Variants in CFAP46 observed in about 807,000 individuals in gnomAD.
CFAP46 encodes the protein cilia- and flagella-associated protein 46.
In CFAP46, 245 loss-of-function variants were observed where a neutral mutation model predicts 325.7. That is an observed-to-expected ratio of 0.75 (90% CI 0.68 to 0.84). The LOEUF (loss-of-function observed/expected upper bound fraction) is 0.84. CFAP46 is among the 40% of genes least tolerant of loss of function. The pLI, the probability that CFAP46 is intolerant of heterozygous loss-of-function variation, is 0.00. For synonymous variants in CFAP46, 1,523 were observed against 1,495.9 expected (o/e 1.02, Z -0.42); for missense variants, 3,346 against 3,543.0 (o/e 0.94, Z 1.41).
intron 2 of CFAP46, 116 bp downstream of exon 2, chr10:132,941,864 G>A (rs1850108324): frequency 1.3e-6 from 2 of 1,509,268 alleles, no homozygotes; most frequent in Non-Finnish European, 1.8e-6. Flanking sequence ...CTGGCCCCTT[G>A]ACTGCCCGGC....
At chr10:132,915,202 T>C (rs1329213009) in intron 17 of CFAP46, among the ~76,000 whole-genome samples, 1 of 152,274 alleles carries the variant, frequency 6.6e-6, no homozygotes, top group African/African-American at 2.4e-5. Flanking sequence ...GCTTGAGCCC[T>C]AATTTTCAGA....
At chr10:132,890,152 C>T (rs1033295261) in intron 25 of CFAP46, among the ~76,000 whole-genome samples, 8 of 151,956 alleles carry the variant, frequency 5.3e-5, no homozygotes, top group East Asian at 3.9e-4. Flanking sequence ...GGCACAAAAC[C>T]CCCCTCCACA....
rs992864469 is a variant in CFAP46, at chr10:132,919,884, G to A, written c.1730+175C>T. 6.6e-5 allele frequency among the ~76,000 whole-genome samples: 10 copies of A among 152,086 alleles called. No homozygotes were observed. Among genetic ancestry groups the A allele is most frequent in the Admixed American group, 2.6e-4 (4 of 15,280 alleles). On this transcript the variant is annotated intron_variant, in intron 14 of 57. Transcript: ENST00000368586. The surrounding 1 kb of genome is among the most constrained non-coding windows in gnomAD (Gnocchi z 9.7). ...CTGTCATCACAGGCTGGGGGGTCCCGTCTGTGGCGGGACTCCCAGGCAGGG... is the reference window on the plus strand; with the variant it reads ...CTGTCATCACAGGCTGGGGGGTCCCATCTGTGGCGGGACTCCCAGGCAGGG...
intron 31 of CFAP46, among the ~76,000 whole-genome samples, chr10:132,874,870 G>A (rs1268485792): frequency 1.3e-5 from 2 of 152,176 alleles, no homozygotes; most frequent in Non-Finnish European, 2.9e-5. Flanking sequence ...CATAAAAATA[G>A]ATGTTATCAC....
chr10:132,883,994 T>C (rs1849084979), intron 27 of CFAP46, among the ~76,000 whole-genome samples: 1 of 152,196 alleles, frequency 6.6e-6, no homozygotes, highest in African/African-American at 2.4e-5. Flanking sequence ...TAAAAACATG[T>C]TGTACCTCTA....
chr10:132,937,233 T>G, intron 6 of CFAP46, 178 bp from the exon 7 acceptor site: 1 of 533,768 alleles, frequency 1.9e-6, no homozygotes, highest in Non-Finnish European at 3.2e-6. Flanking sequence ...TGGTACATAT[T>G]CTTGTAGTAA....
chr10:132,897,868 A>G (rs1179211415), intron 24 of CFAP46, among the ~76,000 whole-genome samples: 1 of 152,224 alleles, frequency 6.6e-6, no homozygotes, highest in Non-Finnish European at 1.5e-5. Flanking sequence ...TGGACAGCCC[A>G]GAGGCCCCGA....
At chr10:132,910,137 C>T (rs1849519433) in intron 19 of CFAP46, 69 bp from the exon 20 acceptor site, 4 of 1,301,808 alleles carry the variant, frequency 3.1e-6, no homozygotes, top group Admixed American at 7.7e-5. Context: ...AAGATCCGAA[C>T]CATTAAAAGA....
rs760598940 is a variant in CFAP46, at chr10:132,847,820, AC to A, written c.5953-500del. Among the ~76,000 whole-genome samples the A allele has an allele frequency of 1.3e-4, 20 of 152,188 alleles. No homozygotes were observed. The highest frequency in any genetic ancestry group is 2.8e-4 in the Non-Finnish European group (19 of 68,038). ...AGGGAGCCCCCTGGGTTTTCGGGACACAAGGTATCGCAGCACCAAATCTATA... is the reference window on the plus strand; with the variant it reads ...AGGGAGCCCCCTGGGTTTTCGGGACAAAGGTATCGCAGCACCAAATCTATA... On this transcript the variant is annotated intron_variant, in intron 41 of 57. Transcript: ENST00000368586. The surrounding 1 kb of genome is among the most constrained non-coding windows in gnomAD (Gnocchi z 5.2).
chr10:132,816,189 G>C (rs1847689536), intron 50 of CFAP46, among the ~76,000 whole-genome samples: 1 of 151,754 alleles, frequency 6.6e-6, no homozygotes, highest in African/African-American at 2.4e-5. Flanking sequence ...GTCGCTGCTG[G>C]TGCGTCGTTA....
In CFAP46 at chr10:132,869,394, G is replaced by A. The variant is rs1314623444; in HGVS notation, c.4512-22C>T. On this transcript the variant is annotated intron_variant, in intron 32 of 57. Coordinates refer to ENST00000368586, the MANE Select transcript of CFAP46 (RefSeq NM_001200049.3). This position sits in a 1 kb window ranked among gnomAD's most constrained non-coding sequence, Gnocchi z 6.2. ...GAGGCTGTGGGGAGTGTGGCCGAAA[G>A]AGTCAGTGTTGCACGGGCGCAGAGG... 1 of 1,510,138 alleles carries A rather than the reference G, an allele frequency of 6.6e-7. No individual in the cohort carries two copies. Among genetic ancestry groups the A allele is most frequent in the South Asian group, 1.2e-5 (1 of 81,372 alleles). The allele number at this position is 1,510,138 out of a possible 1,614,324, so 93.5% of individuals were successfully genotyped here. A position where few individuals can be genotyped will look rare whatever the true frequency, so the allele number is the denominator to read the frequency against.
At chr10:132,809,750 C>T (rs1383137949) in intron 57 of CFAP46, among the ~76,000 whole-genome samples, 1 of 151,994 alleles carries the variant, frequency 6.6e-6, no homozygotes, top group Admixed American at 6.6e-5. Context: ...TTTGCTGACT[C>T]TGAAGGACGG....
Position 132,884,433 on chromosome 10 carries a change from C to T in CFAP46, c.3627+670G>A, listed in dbSNP as rs1381555010. Among the ~76,000 whole-genome samples, 1 of 152,212 alleles carries T rather than the reference C, an allele frequency of 6.6e-6. No homozygotes were observed. The highest frequency in any genetic ancestry group is 2.4e-5 in the African/African-American group (1 of 41,434). ...GGATTGCTCTGAGCCGGAGAAACAGCTCGTGTAACAGAAAAGCCTTTTAAG... is the reference window on the plus strand; with the variant it reads ...GGATTGCTCTGAGCCGGAGAAACAGTTCGTGTAACAGAAAAGCCTTTTAAG... On this transcript the variant is annotated intron_variant, in intron 27 of 57. Transcript: ENST00000368586. The surrounding 1 kb of genome is among the most constrained non-coding windows in gnomAD (Gnocchi z 5.4).
At chr10:132,922,363 G>C in intron 12 of CFAP46, 117 bp downstream of exon 12, 1 of 1,448,134 alleles carries the variant, frequency 6.9e-7, no homozygotes, top group Non-Finnish European at 9.2e-7. Context: ...TCGGTCCCAG[G>C]CCTCCTTGCT....
intron 24 of CFAP46, among the ~76,000 whole-genome samples, chr10:132,893,937 G>C: frequency 6.6e-6 from 1 of 151,986 alleles, no homozygotes; most frequent in South Asian, 2.1e-4. Flanking sequence ...TTTGCCACTG[G>C]TAACACACTT....
chr10:132,820,804 GTGC>G (rs1847787747), intron 50 of CFAP46, among the ~76,000 whole-genome samples: 1 of 144,350 alleles, frequency 6.9e-6, no homozygotes, highest in African/African-American at 2.6e-5. Context: ...GCACTGATGT[GTGC>G]TGTGTGTGCT....
chr10:132,897,180 C>T (rs867865155), intron 24 of CFAP46, among the ~76,000 whole-genome samples: 1 of 152,166 alleles, frequency 6.6e-6, no homozygotes, highest in African/African-American at 2.4e-5. Context: ...TGGAGAAAAT[C>T]CTCATGGTAT....
intron 50 of CFAP46, among the ~76,000 whole-genome samples, chr10:132,822,078 T>G (rs1847858115): frequency 6.9e-6 from 1 of 145,760 alleles, no homozygotes; most frequent in Non-Finnish European, 1.5e-5. Flanking sequence ...GTGCTGTGTG[T>G]GCAGTGATGT....
At chr10:132,857,966 G>A (rs1488252834) in intron 38 of CFAP46, among the ~76,000 whole-genome samples, 178 bp from the exon 39 acceptor site, 1 of 152,244 alleles carries the variant, frequency 6.6e-6, no homozygotes, top group African/African-American at 2.4e-5. Context: ...GAATAATGCA[G>A]TATGTACAGT....
Sources: allele counts gnomAD v4.1 joint callset (sites outside exome capture counted in the v4.1 genomes callset), GRCh38; gene constraint gnomAD v4.1.1; non-coding constraint Gnocchi (gnomAD v3.1); transcripts MANE v1.5; gene names NCBI Gene and HGNC (gene_info 2026-07-23, HGNC 2026-07-21).